Variants in ARHGAP28 observed in about 807,000 individuals in gnomAD.
The protein encoded by ARHGAP28 is Rho GTPase activating protein 28.
In ARHGAP28, 56 loss-of-function variants were observed where a neutral mutation model predicts 90.7. That is an observed-to-expected ratio of 0.62 (90% CI 0.50 to 0.77). The LOEUF (loss-of-function observed/expected upper bound fraction) is 0.77, where lower values mean the gene tolerates loss of function less well. Among genes scored for constraint, ARHGAP28 ranks in the 30% least tolerant of loss-of-function variants. The pLI, the probability that ARHGAP28 is intolerant of heterozygous loss-of-function variation, is 0.00. For missense variants in ARHGAP28, 869 were observed against 900.9 expected (o/e 0.96, Z 0.45); for synonymous variants, 308 against 323.3 (o/e 0.95, Z 0.51).
chr18:6,838,148 C>T (rs112908545), intron 3 of ARHGAP28, among the ~76,000 whole-genome samples: 13 of 152,114 alleles, frequency 8.5e-5, no homozygotes, highest in Admixed American at 5.2e-4. Context: ...GCATTATCTG[C>T]GCAAGATCCT....
intron 11 of ARHGAP28, among the ~76,000 whole-genome samples, chr18:6,882,630 C>T (rs574384966): frequency 6.6e-6 from 1 of 152,228 alleles, no homozygotes; most frequent in Non-Finnish European, 1.5e-5. Context: ...ATAATAATTA[C>T]CTGTCAGGGT....
At chr18:6,790,841 C>T (rs539993672) in intron 1 of ARHGAP28, 8 of 152,104 alleles carry the variant, frequency 5.3e-5, no homozygotes, top group Non-Finnish European at 1.0e-4. Flanking sequence ...AGTGTTGTCA[C>T]GGAAGCCTGG....
intron 3 of ARHGAP28, among the ~76,000 whole-genome samples, chr18:6,839,442 A>T (rs9957353): frequency 3.1e-3 from 477 of 151,912 alleles, no homozygotes; most frequent in African/African-American, 8.5e-3. Flanking sequence ...TATAGGCGCC[A>T]GCCACCACGC....
At chr18:6,784,138 C>G (rs182741678) in intron 1 of ARHGAP28, among the ~76,000 whole-genome samples, 107 of 152,174 alleles carry the variant, frequency 7.0e-4, no homozygotes, top group African/African-American at 2.3e-3. Flanking sequence ...TCCCGGGAGC[C>G]CAGTCAAATC....
intron 17 of ARHGAP28, among the ~76,000 whole-genome samples, chr18:6,909,295 C>CTTTTT (rs2057382579): frequency 1.9e-5 from 1 of 52,384 alleles, no homozygotes; most frequent in Non-Finnish European, 5.3e-5. Context: ...CTTTTCTTTT[C>CTTTTT]TTTTCTTTTT....
chr18:6,854,883 C>T (rs778181185), intron 4 of ARHGAP28, among the ~76,000 whole-genome samples: 4 of 152,198 alleles, frequency 2.6e-5, no homozygotes, highest in African/African-American at 9.7e-5. Flanking sequence ...CTCCTGGCTC[C>T]CACTCCAGTG....
chr18:6,731,715 T>TA (rs1200456179), intron 1 of ARHGAP28, among the ~76,000 whole-genome samples: 1 of 152,096 alleles, frequency 6.6e-6, no homozygotes, highest in African/African-American at 2.4e-5. Context: ...TGGTTCCCAG[T>TA]AAAAAAGCAA....
intron 17 of ARHGAP28, among the ~76,000 whole-genome samples, chr18:6,911,055 C>T (rs997522814): frequency 2.0e-5 from 3 of 152,104 alleles, no homozygotes; most frequent in South Asian, 2.1e-4. Context: ...AGGATGGTCC[C>T]GATCTCCTGA....
Position 6,729,724 on chromosome 18 carries a change from G to T in ARHGAP28, c.-98G>T. The stretch of plus-strand genomic sequence containing the variant: ...GGAGAGAGCGGCTGGTCGCACCTCG[G>T]GCCGCGCCGCCCAGCTGCTGACAGC... On this transcript the variant is annotated 5_prime_UTR_variant, in exon 1 of 18. Transcript: ENST00000383472. 1 of 1,281,684 alleles carries T rather than the reference G, an allele frequency of 7.8e-7. No individual in the cohort carries two copies. The highest frequency in any genetic ancestry group is 9.9e-7 in the Non-Finnish European group (1 of 1,014,874). 79.4% of individuals were successfully genotyped at this position (1,281,684 alleles called of 1,614,324 possible). A position where few individuals can be genotyped will look rare whatever the true frequency, so the allele number is the denominator to read the frequency against.
At chr18:6,827,325 T>A (rs8087978) in intron 2 of ARHGAP28, among the ~76,000 whole-genome samples, 2 of 138,280 alleles carry the variant, frequency 1.4e-5, no homozygotes, top group South Asian at 4.8e-4. Flanking sequence ...GGCTGAACCC[T>A]CCACCTCCCT....
At chr18:6,848,279 C>T (rs1398940294) in intron 3 of ARHGAP28, among the ~76,000 whole-genome samples, 1 of 152,254 alleles carries the variant, frequency 6.6e-6, no homozygotes, top group Middle Eastern at 3.4e-3. Flanking sequence ...TTCTGCAGAG[C>T]TCTCAATATA....
chr18:6,894,712 A>G, intron 14 of ARHGAP28, 123 bp from the exon 15 acceptor site: 1 of 742,534 alleles, frequency 1.3e-6, no homozygotes, highest in Admixed American at 2.6e-5. Flanking sequence ...AAGTGCATAT[A>G]CATTTTATAA....
intron 1 of ARHGAP28, among the ~76,000 whole-genome samples, chr18:6,820,425 C>T (rs2056619015): frequency 6.6e-6 from 1 of 152,072 alleles, no homozygotes; most frequent in Non-Finnish European, 1.5e-5. Flanking sequence ...TTTGGGGCAA[C>T]ATCAAACAGC....
Position 6,875,558 on chromosome 18 carries a change from T to TAG in ARHGAP28, c.1213-571_1213-570dup, listed in dbSNP as rs147158674. Among the ~76,000 whole-genome samples, 22 of 152,308 alleles carry TAG rather than the reference T, an allele frequency of 1.4e-4. No individual in the cohort carries two copies. The East Asian group carries it at 4.2e-3, about 29-fold the overall frequency. ...AGTAGAATAGGGTTATTGTGAGGAT[T>TAG]AGATGAGTTAATGCAGGTAAAGGAC... On this transcript the variant is annotated intron_variant, in intron 9 of 17. Coordinates refer to ENST00000383472, the MANE Select transcript of ARHGAP28 (RefSeq NM_001366230.1).
chr18:6,734,489 T>C (rs2055909386), intron 1 of ARHGAP28, among the ~76,000 whole-genome samples: 1 of 152,210 alleles, frequency 6.6e-6, no homozygotes, highest in Non-Finnish European at 1.5e-5. Context: ...TCCTAGGAAT[T>C]CTAATTCTAC....
chr18:6,889,800 C>A, intron 12 of ARHGAP28, 88 bp from the exon 13 acceptor site: 1 of 1,215,306 alleles, frequency 8.2e-7, no homozygotes, highest in Non-Finnish European at 1.2e-6. Flanking sequence ...TCTCTGGCAG[C>A]AGAGTGAATG....
At chr18:6,813,635 T>C (rs2056571732) in intron 1 of ARHGAP28, among the ~76,000 whole-genome samples, 1 of 152,172 alleles carries the variant, frequency 6.6e-6, no homozygotes, top group Non-Finnish European at 1.5e-5. Flanking sequence ...GGATAATCTC[T>C]ACTATAAAAG....
At chr18:6,800,135 A>G (rs1160516421) in intron 1 of ARHGAP28, among the ~76,000 whole-genome samples, 1 of 152,240 alleles carries the variant, frequency 6.6e-6, no homozygotes, top group Non-Finnish European at 1.5e-5. Flanking sequence ...TCATTAGAGA[A>G]ATGCAAACCA....
At chr18:6,743,776 T>G (rs2055999270) in intron 1 of ARHGAP28, among the ~76,000 whole-genome samples, 1 of 152,224 alleles carries the variant, frequency 6.6e-6, no homozygotes. Context: ...GAATTTAAGC[T>G]CTGACTCTTG....
Sources: allele counts gnomAD v4.1 joint callset (sites outside exome capture counted in the v4.1 genomes callset), GRCh38; gene constraint gnomAD v4.1.1; transcripts MANE v1.5; gene names NCBI Gene and HGNC (gene_info 2026-07-23, HGNC 2026-07-21).